The following ARHGEF3 variants were observed in gnomAD, a reference collection of about 807,000 sequenced individuals.
ARHGEF3 encodes Rho guanine nucleotide exchange factor 3, also known as 59.8 kDA protein.
ARHGEF3 carries 28 observed loss-of-function variants against 63.2 expected under a neutral mutation model. The observed-to-expected ratio is 0.44, with a 90% CI of 0.33 to 0.61. The LOEUF is 0.61. Among genes scored for constraint, ARHGEF3 ranks in the 20% least tolerant of loss-of-function variants. ARHGEF3 has a pLI of 0.03. For synonymous variants in ARHGEF3, 266 were observed against 254.2 expected, an observed-to-expected ratio of 1.05 and a Z score of -0.44; for missense variants, 533 against 659.3, an observed-to-expected ratio of 0.81 and a Z score of 2.10.
intron 4 of ARHGEF3, among the ~76,000 whole-genome samples, chr3:56,878,304 G>A (rs895464907): frequency 1.3e-5 from 2 of 152,280 alleles, no homozygotes; most frequent in African/African-American, 4.8e-5. Context: ...GGGGAGATTC[G>A]TAGGTGGCTG....
intron 3 of ARHGEF3, among the ~76,000 whole-genome samples, chr3:56,884,559 C>T (rs1165982971): frequency 6.6e-6 from 1 of 152,246 alleles, no homozygotes; most frequent in African/African-American, 2.4e-5. Flanking sequence ...TGCCAGGAGC[C>T]ATCCCCAGGA....
chr3:56,909,690 T>A (rs1186191740), intron 3 of ARHGEF3, among the ~76,000 whole-genome samples: 1 of 152,226 alleles, frequency 6.6e-6, no homozygotes, highest in African/African-American at 2.4e-5. Context: ...TGCCGGGCCT[T>A]GGGATAGGCG....
Position 57,052,798 on chromosome 3 carries a change from G to A in ARHGEF3, c.-27-17622C>T, listed in dbSNP as rs572253583. ...TGGAATCGAAGTGCGTCCTTCTCCT[G>A]TCAGAAGGACACCCAGCAGGAGTAC... On this transcript the variant is annotated intron_variant, in intron 1 of 12. Coordinates refer to the ARHGEF3 transcript ENST00000338458. Among the ~76,000 whole-genome samples the A allele has an allele frequency of 9.2e-5, 14 of 152,258 alleles. No homozygotes were observed. The South Asian group carries it at 2.9e-3, about 32-fold the overall frequency.
At chr3:56,875,344 T>C (rs1269020389) in intron 4 of ARHGEF3, among the ~76,000 whole-genome samples, 2 of 152,164 alleles carry the variant, frequency 1.3e-5, no homozygotes, top group African/African-American at 4.8e-5. Flanking sequence ...AGGAAAACCA[T>C]GCTAGTAAGA....
Position 57,000,310 on chromosome 3 carries a change from C to CCA in ARHGEF3, c.62+34776_62+34777dup, listed in dbSNP as rs71076009. Among the ~76,000 whole-genome samples, 409 of 139,250 alleles carry CCA rather than the reference C, an allele frequency of 2.9e-3. 3 individuals are homozygous for CCA. The highest frequency in any genetic ancestry group is 0.016 in the East Asian group (80 of 4,930). 91.4% of individuals were successfully genotyped at this position (139,250 alleles called of 152,430 possible). Reference sequence around the variant, plus strand: ...AAGTCCTTTTTTTAGAGGGTAACTCCCACACACACACACACACACACACAC... The same window carrying CCA: ...AAGTCCTTTTTTTAGAGGGTAACTCCCACACACACACACACACACACACACAC... On this transcript the variant is annotated intron_variant, in intron 2 of 12. Coordinates refer to the ARHGEF3 transcript ENST00000338458.
chr3:57,026,016 C>A (rs1703458831), intron 2 of ARHGEF3, among the ~76,000 whole-genome samples: 1 of 152,158 alleles, frequency 6.6e-6, no homozygotes, highest in African/African-American at 2.4e-5. Flanking sequence ...CCCCCATTCA[C>A]ACCCTAGCAG....
rs976182027 is a variant in ARHGEF3, at chr3:56,786,419, C to T, written c.97-12603G>A. 3.3e-5 allele frequency among the ~76,000 whole-genome samples: 5 copies of T among 152,162 alleles called. 1 individual carries two copies. The highest frequency in any genetic ancestry group is 3.3e-4 in the Admixed American group (5 of 15,280). On this transcript the variant is annotated intron_variant, in intron 1 of 9. Transcript: ENST00000296315. ...GTTGCCCCCACACCCCCCAAATGAG[C>T]AGATGAATAGCTTCAAAATGTTATT...
chr3:56,849,781 C>G (rs1241662374), intron 4 of ARHGEF3, among the ~76,000 whole-genome samples: 1 of 152,098 alleles, frequency 6.6e-6, no homozygotes, highest in East Asian at 1.9e-4. Context: ...AACACATTTT[C>G]ATCTAGGTTG....
intron 1 of ARHGEF3, among the ~76,000 whole-genome samples, chr3:57,045,592 C>T (rs1156425820): frequency 1.3e-5 from 2 of 152,208 alleles, no homozygotes; most frequent in African/African-American, 4.8e-5. Flanking sequence ...CTGAGGGCTT[C>T]AAATGCTCAA....
chr3:56,778,383 G>A (rs774064633), intron 1 of ARHGEF3, among the ~76,000 whole-genome samples: 9 of 152,052 alleles, frequency 5.9e-5, no homozygotes, highest in Non-Finnish European at 1.2e-4. Flanking sequence ...CCCAGGGCCT[G>A]GCTAACTTTT....
At chr3:56,771,989 G>T (rs560944897) in intron 2 of ARHGEF3, among the ~76,000 whole-genome samples, 2 of 152,292 alleles carry the variant, frequency 1.3e-5, no homozygotes, top group African/African-American at 4.8e-5. Flanking sequence ...TGAACTTGTC[G>T]AGAGGGCTGA....
At chr3:56,907,833 A>G (rs1397815229) in intron 3 of ARHGEF3, among the ~76,000 whole-genome samples, 1 of 152,172 alleles carries the variant, frequency 6.6e-6, no homozygotes, top group African/African-American at 2.4e-5. Context: ...ACATGGACAC[A>G]CAGAGGGGAA....
chr3:56,892,948 T>G (rs1224701017), intron 3 of ARHGEF3, among the ~76,000 whole-genome samples: 3 of 152,158 alleles, frequency 2.0e-5, no homozygotes, highest in African/African-American at 2.4e-5. Context: ...ACCTACTCCT[T>G]GGGGCAATTT....
At chr3:57,064,322 T>C (rs547205335) in intron 1 of ARHGEF3, among the ~76,000 whole-genome samples, 2 of 148,686 alleles carry the variant, frequency 1.3e-5, no homozygotes, top group South Asian at 2.1e-4. Flanking sequence ...TTTTTTTCTT[T>C]CTTTTTTTTT....
At chr3:56,751,842 T>C (rs572270822) in intron 4 of ARHGEF3, among the ~76,000 whole-genome samples, 1 of 152,260 alleles carries the variant, frequency 6.6e-6, no homozygotes, top group East Asian at 1.9e-4. Context: ...TTACTACTGA[T>C]TTGAACAAAG....
chr3:56,898,211 CTTAT>C (rs1210372285), intron 3 of ARHGEF3, among the ~76,000 whole-genome samples: 3 of 151,550 alleles, frequency 2.0e-5, no homozygotes, highest in African/African-American at 7.3e-5. Context: ...TTAGGTATGT[CTTAT>C]TTATTTATTT....
intron 1 of ARHGEF3, among the ~76,000 whole-genome samples, chr3:57,067,454 A>AAATAATAATAATAATAATAAT (rs10528636): frequency 1.4e-5 from 2 of 140,458 alleles, no homozygotes; most frequent in Non-Finnish European, 3.0e-5. Flanking sequence ...CTCTGTCTCA[A>AAATAATAATAATAATAATAAT]AATAATAATA....
chr3:56,806,751 C>T (rs2037874503), upstream of ARHGEF3, among the ~76,000 whole-genome samples: 1 of 152,220 alleles, frequency 6.6e-6, no homozygotes, highest in Non-Finnish European at 1.5e-5. Context: ...CCTTAAATCC[C>T]AGTCCCATGA....
chr3:57,059,354 TACACTA>T (rs1201299081), intron 1 of ARHGEF3, among the ~76,000 whole-genome samples: 2 of 151,932 alleles, frequency 1.3e-5, no homozygotes, highest in Admixed American at 6.6e-5. Flanking sequence ...ACACATAAAA[TACACTA>T]ACACTAACAA....
Sources: gnomAD v4.1 joint callset for allele counts (sites outside exome capture counted in the v4.1 genomes callset) on GRCh38, gnomAD v4.1.1 for gene constraint, MANE v1.5 for transcripts, NCBI Gene and HGNC (gene_info 2026-07-23, HGNC 2026-07-21) for gene names.